The following RUBCN variants were observed in gnomAD, a reference collection of about 807,000 sequenced individuals.
RUBCN encodes the protein rubicon autophagy regulator, also known as run domain Beclin-1-interacting and cysteine-rich domain-containing protein.
In RUBCN, 74 loss-of-function variants were observed where a neutral mutation model predicts 113.2. The observed-to-expected ratio is 0.65, with a 90% CI of 0.54 to 0.79. RUBCN has a LOEUF of 0.79. RUBCN is among the 30% of genes least tolerant of loss of function. The probability of loss-of-function intolerance (pLI) is 0.00; values close to 1 mark genes in which losing one functional copy is unlikely to be tolerated. For missense variants in RUBCN, 1,109 were observed against 1,251.7 expected, an observed-to-expected ratio of 0.89 and a Z score of 1.72; for synonymous variants, 480 against 490.0, an observed-to-expected ratio of 0.98 and a Z score of 0.27.
chr3:197,719,788 GTATT>G (rs149191953), intron 1 of RUBCN, among the ~76,000 whole-genome samples: 491 of 152,244 alleles, frequency 3.2e-3, no homozygotes, highest in Middle Eastern at 0.014. Context: ...CATAGCTACC[GTATT>G]TAGTGTCACC....
chr3:197,669,576 A>C lies in RUBCN; in HGVS notation c.*5442T>G, dbSNP rs1719597577. On this transcript the variant is annotated 3_prime_UTR_variant, in exon 20 of 20. Coordinates refer to ENST00000296343, the MANE Select transcript of RUBCN (RefSeq NM_014687.4). ...ATGACATCCAATGACATCTTTGGAG[A>C]TGTTAACGTTGATTACTTGGTTAAG... is the stretch of plus-strand genomic sequence containing the variant. 6.6e-6 allele frequency among the ~76,000 whole-genome samples: 1 copy of C among 152,180 alleles called. No individual in the cohort carries two copies. Among genetic ancestry groups the C allele is most frequent in the African/African-American group, 2.4e-5 (1 of 41,428 alleles).
chr3:197,706,334 G>C (rs148432676), intron 2 of RUBCN, among the ~76,000 whole-genome samples: 79 of 152,132 alleles, frequency 5.2e-4, no homozygotes, highest in African/African-American at 1.9e-3. Context: ...TACTGGGTAG[G>C]GATTAAAACT....
chr3:197,678,125 A>C, intron 16 of RUBCN, among the ~76,000 whole-genome samples: 1 of 127,126 alleles, frequency 7.9e-6, no homozygotes, highest in African/African-American at 4.0e-5. Context: ...CTACGCTCTA[A>C]CTCGACACCT....
In RUBCN at chr3:197,670,053, T is replaced by G. The variant is rs1719640685; in HGVS notation, c.*4965A>C. 6.6e-6 allele frequency among the ~76,000 whole-genome samples: 1 copy of G among 152,126 alleles called. No individual in the cohort carries two copies. The highest frequency in any genetic ancestry group is 6.5e-5 in the Admixed American group (1 of 15,276). ...ACAGGCGCCCGCCATCATGCCCAAC[T>G]AGCTTTTGTATTTTTAGTAGAGACA... On this transcript the variant is annotated 3_prime_UTR_variant, in exon 20 of 20. Transcript: ENST00000296343.
intron 9 of RUBCN, among the ~76,000 whole-genome samples, chr3:197,695,428 C>G (rs554861224): frequency 3.9e-5 from 6 of 152,140 alleles, no homozygotes. Context: ...AGACCTCCCC[C>G]ATCTCTACAA....
chr3:197,690,775 G>A (rs1039481206), intron 11 of RUBCN, among the ~76,000 whole-genome samples: 1 of 152,160 alleles, frequency 6.6e-6, no homozygotes, highest in Non-Finnish European at 1.5e-5. Context: ...TTTCTAAACT[G>A]TCCACTACCT....
At chr3:197,692,161 T>A (rs969685329) in intron 11 of RUBCN, among the ~76,000 whole-genome samples, 7 of 152,032 alleles carry the variant, frequency 4.6e-5, no homozygotes, top group African/African-American at 1.7e-4. Flanking sequence ...CAGTCACCAG[T>A]GGCCGATGAC....
rs749299228 is a variant in RUBCN, at chr3:197,700,911, C to T, written c.963G>A (p.Gly321=). ...AGTTGCCAATGGCCAGGTACTCAGG[C>T]CCCTCACTGGCATCACCTGGGGAAT... ...QNDSPGDASE[G]PEYLAIGNLD... The change falls in exon 7 of 20, where the codon GGG becomes GGA. Residue 321 remains glycine (G), a synonymous_variant. Transcript: ENST00000296343. 2 of 1,614,220 alleles carry T rather than the reference C, an allele frequency of 1.2e-6. No homozygotes were observed. The highest frequency in any genetic ancestry group is 1.7e-6 in the Non-Finnish European group (2 of 1,180,048).
intron 11 of RUBCN, among the ~76,000 whole-genome samples, chr3:197,684,423 T>C (rs542403548): frequency 1.1e-4 from 17 of 152,270 alleles, no homozygotes; most frequent in Admixed American, 9.2e-4. Flanking sequence ...TTAGTAACAT[T>C]ATGCATAGCA....
chr3:197,677,040 TACAGGGAGTG>T lies in RUBCN; in HGVS notation c.2493-12_2493-3del, dbSNP rs1720520127. 6.2e-7 allele frequency: 1 copy of T among 1,613,036 alleles called. No individual in the cohort carries two copies. The highest frequency in any genetic ancestry group is 8.5e-7 in the Non-Finnish European group (1 of 1,179,886). On this transcript the variant is annotated splice_polypyrimidine_tract_variant and splice_region_variant and intron_variant, in intron 17 of 19. Transcript: ENST00000296343. ...ACTGTGTCAAAGGAATCCAGAAGCC[TACAGGGAGTG>T]ACAGGAGGCAGGTGAGGGAATGAAC...
chr3:197,701,561 G>C, intron 6 of RUBCN, 147 bp downstream of exon 6: 1 of 683,062 alleles, frequency 1.5e-6, no homozygotes, highest in Non-Finnish European at 2.6e-6. Context: ...TTTCAAGCTA[G>C]TCACTATATA....
chr3:197,732,560 A>G (rs13077374), intron 1 of RUBCN, among the ~76,000 whole-genome samples: 171 of 152,246 alleles, frequency 1.1e-3, no homozygotes, highest in Admixed American at 3.4e-3. Context: ...TGATCCACCC[A>G]CCTTGGCCTC....
intron 11 of RUBCN, among the ~76,000 whole-genome samples, chr3:197,693,167 T>C (rs1277305141): frequency 6.6e-6 from 1 of 152,160 alleles, no homozygotes; most frequent in Non-Finnish European, 1.5e-5. Context: ...CCACTGTTCC[T>C]CTATGCTGAT....
chr3:197,717,663 G>GT (rs1433201567), intron 2 of RUBCN, among the ~76,000 whole-genome samples: 2 of 152,160 alleles, frequency 1.3e-5, no homozygotes, highest in African/African-American at 4.8e-5. Context: ...CTCAAGAACT[G>GT]TAAGATGATA....
chr3:197,680,018 A>G (rs566132325), intron 16 of RUBCN, among the ~76,000 whole-genome samples: 61 of 148,232 alleles, frequency 4.1e-4, no homozygotes, highest in African/African-American at 1.5e-3. Context: ...GTGCTCTGAC[A>G]ACTGGCTTCA....
rs372131415 is a variant in RUBCN, at chr3:197,683,783, A to AT, written c.1848-345dup. On this transcript the variant is annotated intron_variant, in intron 12 of 19. Transcript: ENST00000296343. This position sits in a 1 kb window ranked among gnomAD's most constrained non-coding sequence, Gnocchi z 4.6. ...AAATTGCTTTGTGGACTACAAAGCG[A>AT]TTTTTCCTCCCAAATGAGCTACTGT... 7.7e-4 allele frequency among the ~76,000 whole-genome samples: 117 copies of AT among 152,220 alleles called. No homozygotes were observed. The highest frequency in any genetic ancestry group is 2.7e-3 in the African/African-American group (112 of 41,542).
At position 197,705,100 on chromosome 3, in the gene RUBCN, C is replaced by G. The variant is rs772081815; in HGVS notation, c.295G>C (p.Val99Leu). 6.2e-7 allele frequency: 1 copy of G among 1,613,286 alleles called. No homozygotes were observed. The highest frequency in any genetic ancestry group is 1.7e-5 in the Admixed American group (1 of 60,022). ...RWLSPHSALHVEKFISVHEND... is the reference protein window; with the variant it reads ...RWLSPHSALHLEKFISVHEND... ...TCTGCTCTCACTCTTACCTTCTCCA[C>G]GTGAAGGGCTGAGTGGGGACTGAGC... The change falls in exon 3 of 20, where the codon GTG (valine) becomes CTG (leucine). Residue 99 changes from valine to leucine, a missense_variant. By Grantham distance (32) the Val-to-Leu change is conservative. Around this residue, in one of 3 missense-constraint regions of RUBCN, gnomAD observed 736 missense variants for 779.6 expected, o/e 0.94. Transcript: ENST00000296343.
At chr3:197,685,202 G>A (rs1437704637) in intron 11 of RUBCN, among the ~76,000 whole-genome samples, 2 of 152,216 alleles carry the variant, frequency 1.3e-5, no homozygotes, top group East Asian at 1.9e-4. Flanking sequence ...TTTTGATGGG[G>A]GGGATGTGAA....
chr3:197,699,148 AAACAG>A (rs1217577227), intron 7 of RUBCN: 1 of 1,465,372 alleles, frequency 6.8e-7, no homozygotes, highest in Non-Finnish European at 9.4e-7. Context: ...GGTGGTCACA[AAACAG>A]AACAAAGAGG....
Sources: gnomAD v4.1 joint callset for allele counts (sites outside exome capture counted in the v4.1 genomes callset) on GRCh38, gnomAD v4.1.1 for gene constraint, gnomAD v4.1.1 regional missense constraint, Gnocchi (gnomAD v3.1) non-coding constraint, MANE v1.5 for transcripts, NCBI Gene and HGNC (gene_info 2026-07-23, HGNC 2026-07-21) for gene names.